Variants in TMPRSS15 observed in about 807,000 individuals in gnomAD.
TMPRSS15 encodes the protein transmembrane serine protease 15, also known as enteropeptidase.
Under a neutral mutation model 125.3 loss-of-function variants are expected in TMPRSS15, and 128 were observed. The ratio of observed to expected loss-of-function variants is 1.02; its 90% CI spans 0.89 to 1.18. The LOEUF is 1.18. Among genes scored for constraint, TMPRSS15 ranks in the 50% most tolerant of loss-of-function variants. The probability of loss-of-function intolerance (pLI) is 0.00; values close to 1 mark genes in which losing one functional copy is unlikely to be tolerated. For synonymous variants in TMPRSS15, 446 were observed against 423.2 expected (o/e 1.05, Z -0.66); for missense variants, 1,283 against 1,212.7 (o/e 1.06, Z -0.86).
At chr21:18,379,341 A>G (rs1026133509) in intron 4 of TMPRSS15, 23 bp from the exon 5 acceptor site, 24 of 1,169,970 alleles carry the variant, frequency 2.1e-5, no homozygotes, top group Middle Eastern at 3.0e-4. Flanking sequence ...TTATATTAAA[A>G]TAATTATTAC....
intron 7 of TMPRSS15, among the ~76,000 whole-genome samples, chr21:18,360,943 T>A (rs546725719): frequency 6.6e-6 from 1 of 152,310 alleles, no homozygotes; most frequent in East Asian, 1.9e-4. Context: ...ACAGCTATCA[T>A]ATTCTATAAT....
chr21:18,365,968 T>C (rs1473426405), intron 6 of TMPRSS15, among the ~76,000 whole-genome samples: 2 of 151,684 alleles, frequency 1.3e-5, no homozygotes, highest in East Asian at 3.9e-4. Context: ...CTCCTGACCA[T>C]AGGTGATCTG....
intron 13 of TMPRSS15, 123 bp downstream of exon 13, chr21:18,341,290 C>G (rs759934525): frequency 4.9e-6 from 6 of 1,235,194 alleles, no homozygotes; most frequent in Non-Finnish European, 5.9e-6. Flanking sequence ...AGGCTGGTCT[C>G]AAACTCCTGG....
chr21:18,440,157 G>A (rs554529511), intron 1 of TMPRSS15, among the ~76,000 whole-genome samples: 4 of 151,758 alleles, frequency 2.6e-5, no homozygotes, highest in East Asian at 3.9e-4. Flanking sequence ...GGCGGATCAC[G>A]AGGTCAGGAG....
intron 1 of TMPRSS15, among the ~76,000 whole-genome samples, chr21:18,418,044 G>T (rs969411026): frequency 3.9e-5 from 6 of 152,198 alleles, no homozygotes; most frequent in African/African-American, 1.4e-4. Context: ...CAATCACTTG[G>T]ATCCTGGTCT....
At chr21:18,410,821 G>A (rs2076164237) in intron 1 of TMPRSS15, among the ~76,000 whole-genome samples, 1 of 152,026 alleles carries the variant, frequency 6.6e-6, no homozygotes, top group South Asian at 2.1e-4. Context: ...TGTAACTTCT[G>A]ACCTAAAGAA....
chr21:18,481,869 T>C (rs1226808282), intron 1 of TMPRSS15, among the ~76,000 whole-genome samples: 2 of 151,682 alleles, frequency 1.3e-5, no homozygotes, highest in Non-Finnish European at 3.0e-5. Flanking sequence ...AGGGAATTAA[T>C]CTTAATTTAT....
At chr21:18,448,708 CTGTGGTCCTACTCTAATAT>C (rs1165179925) in intron 1 of TMPRSS15, among the ~76,000 whole-genome samples, 4 of 151,890 alleles carry the variant, frequency 2.6e-5, no homozygotes, top group African/African-American at 9.7e-5. Flanking sequence ...TCATATCATA[CTGTGGTCCTACTCTAATAT>C]TCAAATCTCA....
Position 18,435,710 on chromosome 21 carries a change from C to G in TMPRSS15, c.11-37381G>C, listed in dbSNP as rs531454015. Reference sequence around the variant, plus strand: ...GGAATAGTTTCAGAAGGAATGGTACCAGTTCCTCCTTGTACCTCTGGTAGA... The same window carrying G: ...GGAATAGTTTCAGAAGGAATGGTACGAGTTCCTCCTTGTACCTCTGGTAGA... On this transcript the variant is annotated intron_variant, in intron 1 of 7. Coordinates refer to the TMPRSS15 transcript ENST00000422787. 4.6e-5 allele frequency among the ~76,000 whole-genome samples: 7 copies of G among 152,218 alleles called. No homozygotes were observed. The East Asian group carries it at 1.4e-3, about 29-fold the overall frequency.
In TMPRSS15 at chr21:18,359,502, A is replaced by T. The variant is rs186185945; in HGVS notation, c.880+255T>A. Reference sequence around the variant, plus strand: ...TATGGTAACCAAATATATAATTATAATCCTTTGACAAATTTCACATAATTT... The same window carrying T: ...TATGGTAACCAAATATATAATTATATTCCTTTGACAAATTTCACATAATTT... On this transcript the variant is annotated intron_variant, in intron 8 of 24. Transcript: ENST00000284885. Among the ~76,000 whole-genome samples, 49 of 152,090 alleles carry T rather than the reference A, an allele frequency of 3.2e-4. 1 individual carries two copies. The highest frequency in any genetic ancestry group is 1.0e-3 in the African/African-American group (42 of 41,542).
At chr21:18,430,211 C>T (rs1049406594) in intron 1 of TMPRSS15, among the ~76,000 whole-genome samples, 1 of 152,124 alleles carries the variant, frequency 6.6e-6, no homozygotes, top group African/African-American at 2.4e-5. Flanking sequence ...GGTGAATAAT[C>T]ATATTTCACA....
chr21:18,331,914 T>C (rs2075349150), intron 14 of TMPRSS15, among the ~76,000 whole-genome samples, 170 bp downstream of exon 14: 1 of 152,202 alleles, frequency 6.6e-6, no homozygotes, highest in Non-Finnish European at 1.5e-5. Context: ...AAATGCTATA[T>C]ATATTTAGCA....
At chr21:18,276,048 C>CAT (rs928257247) in intron 23 of TMPRSS15, among the ~76,000 whole-genome samples, 25 of 152,240 alleles carry the variant, frequency 1.6e-4, no homozygotes, top group African/African-American at 5.3e-4. Flanking sequence ...TAATAATTAG[C>CAT]ATTTCTATTT....
Position 18,343,510 on chromosome 21 carries a change from A to T in TMPRSS15, c.1424T>A (p.Phe475Tyr), listed in dbSNP as rs775163227. The T allele has an allele frequency of 6.2e-7, 1 of 1,609,550 alleles. No homozygotes were observed. Among genetic ancestry groups the T allele is most frequent in the East Asian group, 2.2e-5 (1 of 44,738 alleles). Residue 475 changes from phenylalanine to tyrosine, a missense_variant, in exon 12 of 25, where the codon TTT becomes TAT. Transcript: ENST00000284885. ...ATAATAAAGTATTTTGCAAACCTTA[A>T]ATTTAACTGTTTCATTTAGGGTTAC... ...GQVTLNETVK[F>Y]KVAFNAFKNK...
intron 6 of TMPRSS15, among the ~76,000 whole-genome samples, chr21:18,368,280 C>T (rs1029288071): frequency 1.3e-5 from 2 of 152,168 alleles, no homozygotes; most frequent in African/African-American, 4.8e-5. Flanking sequence ...AGCCATGTTA[C>T]GTCTCTAGTT....
chr21:18,379,316 T>C lies in TMPRSS15; in HGVS notation c.499A>G (p.Lys167Glu), dbSNP rs1345487539. 7.6e-7 allele frequency: 1 copy of C among 1,311,732 alleles called. No individual in the cohort carries two copies. The highest frequency in any genetic ancestry group is 1.0e-6 in the Non-Finnish European group (1 of 996,284). The allele number at this position is 1,311,732 out of a possible 1,614,324, so 81.3% of individuals were successfully genotyped here. A position where few individuals can be genotyped will look rare whatever the true frequency, so the allele number is the denominator to read the frequency against. ...GCCAGATGACTGGTGGTTGTTAGCT[T>C]GTCTGAAAAATAAATTATATTAAAA... ...IDLNSVDILD[K>E]LTTTSHLATP... Residue 167 changes from lysine to glutamate, a missense_variant and splice_region_variant, in exon 5 of 25, where the codon AAG (lysine) becomes GAG (glutamate). By Grantham distance (56) the Lys-to-Glu change is moderately conservative. Coordinates refer to ENST00000284885, the MANE Select transcript of TMPRSS15 (RefSeq NM_002772.3).
chr21:18,284,874 G>A (rs1402540127), intron 21 of TMPRSS15, among the ~76,000 whole-genome samples: 3 of 152,174 alleles, frequency 2.0e-5, no homozygotes, highest in Non-Finnish European at 1.5e-5. Flanking sequence ...GGTGGTGCAC[G>A]CCTGTAATCC....
At chr21:18,281,902 C>T (rs2074703029) in intron 21 of TMPRSS15, among the ~76,000 whole-genome samples, 1 of 151,868 alleles carries the variant, frequency 6.6e-6, no homozygotes, top group African/African-American at 2.4e-5. Flanking sequence ...TCGAGACCAT[C>T]TTGGTTAACA....
In TMPRSS15 at chr21:18,419,285, G is replaced by A. The variant is rs183442278; in HGVS notation, c.11-20956C>T. ...CTGTTACCCAGGCTGGAGTGCAGTG[G>A]TGCTATCTCTGCTCACTGCAAGCTC... On this transcript the variant is annotated intron_variant, in intron 1 of 7. Transcript: ENST00000422787. Among the ~76,000 whole-genome samples, 651 of 148,330 alleles carry A rather than the reference G, an allele frequency of 4.4e-3. 5 individuals are homozygous for A. The highest frequency in any genetic ancestry group is 0.016 in the African/African-American group (627 of 39,728).
Sources: gnomAD v4.1 joint callset for allele counts (sites outside exome capture counted in the v4.1 genomes callset) on GRCh38, gnomAD v4.1.1 for gene constraint, MANE v1.5 for transcripts, NCBI Gene and HGNC (gene_info 2026-07-23, HGNC 2026-07-21) for gene names.